The following TRAPPC9 variants were observed in gnomAD, a reference collection of about 807,000 sequenced individuals.
The protein encoded by TRAPPC9 is IKK2 binding protein.
TRAPPC9 carries 83 observed loss-of-function variants against 124.0 expected under a neutral mutation model. The observed-to-expected ratio is 0.67, with a 90% CI of 0.56 to 0.80. TRAPPC9 has a LOEUF of 0.80. TRAPPC9 is among the 30% of genes least tolerant of loss of function. The pLI is 0.00. For missense variants in TRAPPC9, 1,302 were observed against 1,508.3 expected (o/e 0.86, Z 2.27); for synonymous variants, 638 against 617.5 (o/e 1.03, Z -0.49).
At chr8:139,851,522 G>A (rs1422551587) in intron 21 of TRAPPC9, among the ~76,000 whole-genome samples, 1 of 152,090 alleles carries the variant, frequency 6.6e-6, no homozygotes, top group African/African-American at 2.4e-5. Flanking sequence ...ATTTCAAACG[G>A]GGATGAACGG....
intron 17 of TRAPPC9, among the ~76,000 whole-genome samples, chr8:140,194,745 CTACACT>C (rs2062596056): frequency 6.6e-6 from 1 of 152,170 alleles, no homozygotes; most frequent in Non-Finnish European, 1.5e-5. Flanking sequence ...ATTTGTATGC[CTACACT>C]TACACACCCC....
intron 18 of TRAPPC9, among the ~76,000 whole-genome samples, chr8:139,995,124 G>A (rs779488900): frequency 1.2e-4 from 18 of 152,146 alleles, no homozygotes; most frequent in Non-Finnish European, 2.2e-4. Context: ...GTTAGAAGGT[G>A]GATCACAGTA....
chr8:139,946,544 A>G (rs998625851), intron 19 of TRAPPC9, among the ~76,000 whole-genome samples: 1 of 152,202 alleles, frequency 6.6e-6, no homozygotes, highest in African/African-American at 2.4e-5. Flanking sequence ...ATAGAGGAAA[A>G]GAAGCAGGAA....
intron 8 of TRAPPC9, among the ~76,000 whole-genome samples, chr8:140,363,722 C>T (rs980255017): frequency 1.3e-5 from 2 of 151,986 alleles, no homozygotes; most frequent in African/African-American, 4.8e-5. Flanking sequence ...CTCAGCCTCC[C>T]GAGTAGCTGG....
chr8:140,150,394 A>G (rs1286867485), intron 17 of TRAPPC9, among the ~76,000 whole-genome samples: 1 of 152,204 alleles, frequency 6.6e-6, no homozygotes, highest in African/African-American at 2.4e-5. Context: ...GGCTGCAGTG[A>G]GCCGAGATCA....
In TRAPPC9 at chr8:140,272,130, C is replaced by CGATGATGATGGTGATGGTGGCGATGGT. The variant is rs2064930084; in HGVS notation, c.2278+3527_2278+3528insACCATCGCCACCATCACCATCATCATC. 7.0e-3 allele frequency among the ~76,000 whole-genome samples: 700 copies of CGATGATGATGGTGATGGTGGCGATGGT among 100,432 alleles called. 10 individuals carry two copies. The highest frequency in any genetic ancestry group is 0.021 in the African/African-American group (615 of 29,266). The allele number at this position is 100,432 out of a possible 152,430, so 65.9% of individuals were successfully genotyped here. On this transcript the variant is annotated intron_variant, in intron 15 of 22. Transcript: ENST00000438773. ...GTGGTGGTGGCAATGGTGATGGTGG[C>CGATGATGATGGTGATGGTGGCGATGGT]GATGGTGATGGTGATGGTGGTAGCA...
chr8:140,242,147 AGAGAGAGAGAGAGAGAGG>A (rs58096376), intron 16 of TRAPPC9, among the ~76,000 whole-genome samples: 9,488 of 151,138 alleles, frequency 0.063, 530 homozygotes, highest in African/African-American at 0.15. Flanking sequence ...AGAGAGAGAG[AGAGAGAGAGAGAGAGAGG>A]GAGACTGGGA....
At chr8:139,941,299 C>G (rs1587290582) in intron 19 of TRAPPC9, among the ~76,000 whole-genome samples, 1 of 152,218 alleles carries the variant, frequency 6.6e-6, no homozygotes, top group Non-Finnish European at 1.5e-5. Context: ...ACAACAGAGG[C>G]CGTCAGAGCA....
chr8:140,364,959 C>A (rs2068067095), intron 8 of TRAPPC9, among the ~76,000 whole-genome samples: 1 of 150,622 alleles, frequency 6.6e-6, no homozygotes, highest in Non-Finnish European at 1.5e-5. Context: ...CTAGGGCAGA[C>A]CCCTCCCTGG....
chr8:140,015,656 A>AT (rs1839419122), intron 18 of TRAPPC9, among the ~76,000 whole-genome samples: 1 of 151,328 alleles, frequency 6.6e-6, no homozygotes. Context: ...AATAAAAAAA[A>AT]AATAAGCCAG....
intron 17 of TRAPPC9, among the ~76,000 whole-genome samples, chr8:140,175,981 C>G (rs2062061673): frequency 6.6e-6 from 1 of 152,132 alleles, no homozygotes; most frequent in African/African-American, 2.4e-5. Flanking sequence ...AAAAGACATT[C>G]CTTGTTCTTA....
chr8:140,245,859 T>A (rs1398129721), intron 16 of TRAPPC9, among the ~76,000 whole-genome samples: 1 of 152,152 alleles, frequency 6.6e-6, no homozygotes, highest in Admixed American at 6.5e-5. Context: ...TGTGTGGTTG[T>A]CTCTTATTTT....
rs75551700 is a variant in TRAPPC9, at chr8:139,898,400, C to A, written c.2964+11747G>T. Among the ~76,000 whole-genome samples the A allele has an allele frequency of 5.9e-5, 9 of 152,296 alleles. No individual in the cohort carries two copies. In the East Asian group the frequency reaches 1.7e-3, roughly 29 times the overall value. ...ATTTCCACAGAGTTGGTCACAAGTA[C>A]AAGTCAACTGAATGAATGATTTTTT... On this transcript the variant is annotated intron_variant, in intron 20 of 22. Coordinates refer to ENST00000438773, the MANE Select transcript of TRAPPC9 (RefSeq NM_001160372.4).
intron 20 of TRAPPC9, among the ~76,000 whole-genome samples, chr8:139,905,870 G>A (rs1463108564): frequency 6.6e-6 from 1 of 152,058 alleles, no homozygotes; most frequent in Admixed American, 6.6e-5. Context: ...CGAGGCGGGC[G>A]GATCACGAGG....
Position 139,775,672 on chromosome 8 carries a change from C to A in TRAPPC9, c.3056-43470G>T, listed in dbSNP as rs1821307009. On this transcript the variant is annotated intron_variant, in intron 21 of 22. Transcript: ENST00000438773. ...CCTCACCAGGTGTGAGCCCAGAGCC[C>A]AGGCTGTGAGTCTGGCAGGCTGGGG... is the stretch of plus-strand genomic sequence containing the variant. Among the ~76,000 whole-genome samples the A allele has an allele frequency of 2.0e-5, 3 of 152,314 alleles. No individual in the cohort carries two copies. In the South Asian group the frequency reaches 6.2e-4, roughly 32 times the overall value.
rs1192439926 is a variant in TRAPPC9 at position 140,300,466 on chromosome 8, T to C, written c.1768+3A>G. The C allele has an allele frequency of 1.9e-6, 3 of 1,614,072 alleles. No homozygotes were observed. In the African/African-American group the frequency reaches 4.0e-5, roughly 22 times the overall value. The stretch of plus-strand genomic sequence containing the variant: ...GGTGGGAAAGCCAGGATCGACGTCC[T>C]ACCTATTTTCTTGTTCCGCTCTTCT... On this transcript the variant is annotated splice_donor_region_variant and intron_variant, in intron 11 of 22. Coordinates refer to ENST00000438773, the MANE Select transcript of TRAPPC9 (RefSeq NM_001160372.4).
rs771853625 is a variant in TRAPPC9 at position 140,275,668 on chromosome 8, G to A, written c.2268C>T (p.Leu756=). The change falls in exon 15 of 23, where the codon CTC becomes CTT. Residue 756 remains leucine, a synonymous_variant. Transcript: ENST00000438773. The stretch of plus-strand genomic sequence containing the variant: ...GCTTACAATACCTACCTTTAGTGGT[G>A]AGAACTTTCGAGGTGACCTCCAGTT... ...LEKLEVTSKV[L]TTKEKLYGDF... is the part of the protein sequence containing the mutation. 1 of 1,614,166 alleles carries A rather than the reference G, an allele frequency of 6.2e-7. No individual in the cohort carries two copies. The highest frequency in any genetic ancestry group is 1.1e-5 in the South Asian group (1 of 91,076).
chr8:140,219,876 G>A lies in TRAPPC9; in HGVS notation c.2556+1583C>T, dbSNP rs143255484. On this transcript the variant is annotated intron_variant, in intron 17 of 22. Coordinates refer to ENST00000438773, the MANE Select transcript of TRAPPC9 (RefSeq NM_001160372.4). ...AATGTGAGGCCTTGTGAATTCAGAC[G>A]AAAGAAACAGCCCTGCAGTTTGACA... is the stretch of plus-strand genomic sequence containing the variant. Among the ~76,000 whole-genome samples, 411 of 152,282 alleles carry A rather than the reference G, an allele frequency of 2.7e-3. 3 individuals are homozygous for A. The highest frequency in any genetic ancestry group is 9.3e-3 in the African/African-American group (387 of 41,554).
intron 15 of TRAPPC9, among the ~76,000 whole-genome samples, chr8:140,269,971 G>A (rs968020445): frequency 6.6e-6 from 1 of 152,094 alleles, no homozygotes; most frequent in African/African-American, 2.4e-5. Flanking sequence ...ATGGTGGCAG[G>A]CACCTGTAAT....
Sources: allele counts gnomAD v4.1 joint callset (sites outside exome capture counted in the v4.1 genomes callset), GRCh38; gene constraint gnomAD v4.1.1; transcripts MANE v1.5; gene names NCBI Gene and HGNC (gene_info 2026-07-23, HGNC 2026-07-21).